STX18: variants seen among roughly 807,000 people sequenced by gnomAD.
STX18 encodes syntaxin 18.
In STX18, 40 loss-of-function variants were observed where a neutral mutation model predicts 50.1. That is an observed-to-expected ratio of 0.80 (90% CI 0.62 to 1.04). The LOEUF (loss-of-function observed/expected upper bound fraction) is 1.04. STX18 is among the 50% of genes least tolerant of loss of function. The pLI is 0.00. For missense variants in STX18, 410 were observed against 415.8 expected (o/e 0.99, Z 0.12); for synonymous variants, 158 against 151.8 (o/e 1.04, Z -0.30).
chr4:4,541,368 T>C (rs1463379162), intron 1 of STX18, among the ~76,000 whole-genome samples: 1 of 152,128 alleles, frequency 6.6e-6, no homozygotes, highest in African/African-American at 2.4e-5. Flanking sequence ...CAGTTTTTAA[T>C]CTCAACTAGG....
At chr4:4,470,185 C>G (rs909186319) in intron 2 of STX18, among the ~76,000 whole-genome samples, 1 of 152,196 alleles carries the variant, frequency 6.6e-6, no homozygotes, top group African/African-American at 2.4e-5. Context: ...AGGGGTCAGG[C>G]TGCAGCAGGG....
At chr4:4,465,614 CA>C (rs1301352918) in intron 2 of STX18, among the ~76,000 whole-genome samples, 1 of 152,074 alleles carries the variant, frequency 6.6e-6, no homozygotes, top group Non-Finnish European at 1.5e-5. Context: ...GTTGGAGGAT[CA>C]GGGGTGGGAG....
chr4:4,536,971 A>C (rs142883218), intron 1 of STX18, among the ~76,000 whole-genome samples: 1 of 152,344 alleles, frequency 6.6e-6, no homozygotes, highest in Non-Finnish European at 1.5e-5. Context: ...ACTGAGGCCC[A>C]GAGAAATCAC....
At chr4:4,492,821 G>A (rs1729001352) in intron 1 of STX18, among the ~76,000 whole-genome samples, 6 of 152,086 alleles carry the variant, frequency 3.9e-5, no homozygotes, top group Admixed American at 3.9e-4. Flanking sequence ...AAAAAAATGT[G>A]TGCATTTAAG....
At chr4:4,521,172 C>G (rs181622885) in intron 1 of STX18, among the ~76,000 whole-genome samples, 222 of 152,200 alleles carry the variant, frequency 1.5e-3, no homozygotes, top group African/African-American at 5.2e-3. Flanking sequence ...GAAAAAGTTA[C>G]TGAATCTCTT....
rs34300930 is a variant in STX18 at position 4,447,592 on chromosome 4, CAAAAAAAAAAAAAAAAAAAAAAAA to C, written c.498-9107_498-9084del. Among the ~76,000 whole-genome samples the C allele has an allele frequency of 5.9e-4, 27 of 45,908 alleles. No individual in the cohort carries two copies. In the Admixed American group the frequency reaches 7.3e-3, roughly 12 times the overall value. 30.1% of individuals were successfully genotyped at this position (45,908 alleles called of 152,430 possible). A position where few individuals can be genotyped will look rare whatever the true frequency, so the allele number is the denominator to read the frequency against. ...GGCGACAGAGCGAGACTCCGTCTCA[CAAAAAAAAAAAAAAAAAAAAAAAA>C]AAAAAAAAAAAAAAAAAATGGGGCT... On this transcript the variant is annotated intron_variant, in intron 5 of 10. Coordinates refer to ENST00000306200, the MANE Select transcript of STX18 (RefSeq NM_016930.4).
At chr4:4,463,536 T>C in intron 2 of STX18, among the ~76,000 whole-genome samples, 1 of 152,228 alleles carries the variant, frequency 6.6e-6, no homozygotes, top group East Asian at 1.9e-4. Flanking sequence ...CTCTAAGCAT[T>C]TACTTTGCTG....
At chr4:4,475,789 T>C (rs1024812239) in intron 1 of STX18, among the ~76,000 whole-genome samples, 12 of 152,240 alleles carry the variant, frequency 7.9e-5, no homozygotes, top group African/African-American at 2.9e-4. Context: ...TGGATTTTTC[T>C]TTTTTCTTTT....
At chr4:4,520,961 T>C (rs1560207518) in intron 1 of STX18, among the ~76,000 whole-genome samples, 1 of 152,348 alleles carries the variant, frequency 6.6e-6, no homozygotes, top group East Asian at 1.9e-4. Context: ...GTACAATTTA[T>C]CTAGTCTTCC....
chr4:4,445,928 G>C (rs1418288283), intron 5 of STX18, among the ~76,000 whole-genome samples: 5 of 152,118 alleles, frequency 3.3e-5, no homozygotes, highest in African/African-American at 1.2e-4. Flanking sequence ...CTGATTCCAA[G>C]ACTTATGATA....
In STX18 at chr4:4,471,363, T is replaced by C. The variant is rs1231843627; in HGVS notation, c.236+276A>G. On this transcript the variant is annotated intron_variant, in intron 2 of 10. Transcript: ENST00000306200. ...ATGTGTCCCCAACTTCAAATACAGC[T>C]CTGTAAGTACTCATGGAGTTTCATT... 2.0e-5 allele frequency among the ~76,000 whole-genome samples: 3 copies of C among 152,168 alleles called. No homozygotes were observed. In the East Asian group the frequency reaches 5.8e-4, roughly 29 times the overall value.
At chr4:4,433,372 A>G (rs928679872) in intron 7 of STX18, among the ~76,000 whole-genome samples, 2 of 152,144 alleles carry the variant, frequency 1.3e-5, no homozygotes, top group Non-Finnish European at 2.9e-5. Flanking sequence ...TGCATTCAAC[A>G]AAGAATTCCC....
At chr4:4,440,657 T>C (rs1056361921) in intron 5 of STX18, among the ~76,000 whole-genome samples, 6 of 152,244 alleles carry the variant, frequency 3.9e-5, no homozygotes, top group African/African-American at 1.4e-4. Context: ...GGATGGTATT[T>C]GCAAATAACC....
intron 1 of STX18, among the ~76,000 whole-genome samples, chr4:4,494,531 A>G (rs184132788): frequency 4.6e-5 from 7 of 152,284 alleles, no homozygotes; most frequent in Non-Finnish European, 8.8e-5. Flanking sequence ...AAGTCCTCTA[A>G]TATTATCACT....
At chr4:4,511,379 T>C (rs1729996911) in intron 1 of STX18, among the ~76,000 whole-genome samples, 1 of 152,240 alleles carries the variant, frequency 6.6e-6, no homozygotes, top group Non-Finnish European at 1.5e-5. Flanking sequence ...ACTGAACACT[T>C]GATTTTTATC....
At chr4:4,476,683 TTC>T (rs1728190775) in intron 1 of STX18, among the ~76,000 whole-genome samples, 1 of 152,184 alleles carries the variant, frequency 6.6e-6, no homozygotes, top group African/African-American at 2.4e-5. Flanking sequence ...TCATTTATCT[TTC>T]TGTTTTTAGA....
In STX18 at chr4:4,513,719, T is replaced by C. The variant is rs559321864; in HGVS notation, c.168+28078A>G. Among the ~76,000 whole-genome samples the C allele has an allele frequency of 1.4e-4, 21 of 152,320 alleles. 1 individual carries two copies. Among genetic ancestry groups the C allele is most frequent in the Middle Eastern group, 3.4e-3 (1 of 294 alleles). On this transcript the variant is annotated intron_variant, in intron 1 of 10. Transcript: ENST00000306200. ...AAAACAGCATGGCCAATGAAATCTT[T>C]AATGCTGAGTAAAAACTACCCCAGC...
At chr4:4,454,089 C>A (rs1228152510) in intron 5 of STX18, among the ~76,000 whole-genome samples, 1 of 152,212 alleles carries the variant, frequency 6.6e-6, no homozygotes, top group East Asian at 1.9e-4. Context: ...TGGTGAGTTA[C>A]TGTGGCTGTT....
At chr4:4,528,522 C>A (rs530436634) in intron 1 of STX18, among the ~76,000 whole-genome samples, 1 of 152,310 alleles carries the variant, frequency 6.6e-6, no homozygotes, top group East Asian at 1.9e-4. Flanking sequence ...AAAGCAGATG[C>A]CGATGCCATG....
Sources: allele counts gnomAD v4.1 joint callset (sites outside exome capture counted in the v4.1 genomes callset), GRCh38; gene constraint gnomAD v4.1.1; transcripts MANE v1.5; gene names NCBI Gene and HGNC (gene_info 2026-07-23, HGNC 2026-07-21).